BEND7: variants seen among roughly 807,000 people sequenced by gnomAD.
BEND7 encodes BEN domain containing 7, also known as BEN domain-containing protein 7.
Under a neutral mutation model 50.9 loss-of-function variants are expected in BEND7, and 28 were observed. The observed-to-expected ratio is 0.55, with a 90% CI of 0.41 to 0.75. The LOEUF (loss-of-function observed/expected upper bound fraction) is 0.75, where lower values mean the gene tolerates loss of function less well. Ranked by LOEUF, BEND7 falls within the 30% of genes least tolerant of loss-of-function variation. The pLI is 0.00. For missense variants in BEND7, 477 were observed against 491.3 expected, an observed-to-expected ratio of 0.97 and a Z score of 0.28; for synonymous variants, 170 against 183.9, an observed-to-expected ratio of 0.92 and a Z score of 0.61.
At chr10:13,471,626 C>G (rs1175261401) in intron 6 of BEND7, among the ~76,000 whole-genome samples, 1 of 152,254 alleles carries the variant, frequency 6.6e-6, no homozygotes, top group Non-Finnish European at 1.5e-5. Flanking sequence ...TGGTGAGGCA[C>G]TGTAGCCATG....
At chr10:13,471,315 A>G (rs2074804930) in intron 6 of BEND7, among the ~76,000 whole-genome samples, 1 of 152,228 alleles carries the variant, frequency 6.6e-6, no homozygotes, top group Admixed American at 6.5e-5. Context: ...ATCAACGAAA[A>G]TACTGCAAAG....
At chr10:13,516,873 G>A (rs1343254709) in intron 2 of BEND7, among the ~76,000 whole-genome samples, 1 of 152,106 alleles carries the variant, frequency 6.6e-6, no homozygotes, top group Non-Finnish European at 1.5e-5. Flanking sequence ...GGAGGCTTTT[G>A]GATTTCCAGT....
chr10:13,469,579 T>C (rs2012759), intron 6 of BEND7, among the ~76,000 whole-genome samples: 101,432 of 152,084 alleles, frequency 0.67, 34,193 homozygotes, highest in East Asian at 0.86. Context: ...CGGGTTCAAG[T>C]GATTCCCCTG....
intron 8 of BEND7, 181 bp from the exon 9 acceptor site, chr10:13,441,931 T>C: frequency 1.6e-6 from 1 of 634,206 alleles, no homozygotes; most frequent in Non-Finnish European, 2.7e-6. Context: ...AGATTGATTC[T>C]ACAAGCCACG....
chr10:13,502,179 C>T (rs1019507337), intron 2 of BEND7, among the ~76,000 whole-genome samples: 15 of 152,060 alleles, frequency 9.9e-5, no homozygotes, highest in Admixed American at 3.3e-4. Flanking sequence ...AGATATTTAG[C>T]TTATTAATAT....
chr10:13,490,772 G>C (rs1453584124), intron 5 of BEND7, among the ~76,000 whole-genome samples: 1 of 152,112 alleles, frequency 6.6e-6, no homozygotes, highest in Non-Finnish European at 1.5e-5. Context: ...AGCAACACTG[G>C]GCCACTTGCC....
At chr10:13,479,540 G>A (rs908523968) in intron 6 of BEND7, among the ~76,000 whole-genome samples, 4 of 152,008 alleles carry the variant, frequency 2.6e-5, no homozygotes, top group East Asian at 1.9e-4. Context: ...ACAATTCCTC[G>A]CTGCATTTCA....
At chr10:13,483,239 T>C (rs995105844) in intron 5 of BEND7, among the ~76,000 whole-genome samples, 1 of 152,140 alleles carries the variant, frequency 6.6e-6, no homozygotes, top group Admixed American at 6.5e-5. Flanking sequence ...AGACTTCCCC[T>C]TTGATTCATC....
chr10:13,452,426 T>G (rs1488951898), intron 7 of BEND7, 113 bp downstream of exon 7: 2 of 1,157,360 alleles, frequency 1.7e-6, no homozygotes, highest in Non-Finnish European at 2.4e-6. Flanking sequence ...TTATAAACAG[T>G]CTCTCCTTCA....
chr10:13,488,064 GA>G (rs2076366388), intron 5 of BEND7, among the ~76,000 whole-genome samples: 1 of 138,866 alleles, frequency 7.2e-6, no homozygotes, highest in African/African-American at 2.7e-5. Context: ...CTGGACGACA[GA>G]GTGAGACTCT....
intron 1 of BEND7, 80 bp from the exon 2 acceptor site, chr10:13,526,301 C>A: frequency 1.7e-6 from 1 of 596,924 alleles, no homozygotes; most frequent in South Asian, 1.9e-5. Context: ...GAATCTCATT[C>A]TATTTAGTTT....
chr10:13,487,703 TG>T (rs1291030857), intron 5 of BEND7, among the ~76,000 whole-genome samples: 1 of 152,090 alleles, frequency 6.6e-6, no homozygotes, highest in Non-Finnish European at 1.5e-5. Context: ...TCAATTTCAA[TG>T]TGTCAATGAG....
chr10:13,518,368 G>C lies in BEND7; in HGVS notation c.145+7770C>G, dbSNP rs74597165. Among the ~76,000 whole-genome samples, 1,374 of 152,360 alleles carry C rather than the reference G, an allele frequency of 9.0e-3. 12 individuals are homozygous for C. Among genetic ancestry groups the C allele is most frequent in the African/African-American group, 0.031 (1,298 of 41,586 alleles). On this transcript the variant is annotated intron_variant, in intron 2 of 8. Coordinates refer to ENST00000466271, the MANE Select transcript of BEND7 (RefSeq NM_001369863.1). ...GGTACAACTTCGGTGGCTGTGTGCA[G>C]GGGCCCAACTCCCTCAGAAACCCGA...
At position 13,447,288 on chromosome 10, in the gene BEND7, G is replaced by A. The variant is rs145310447; in HGVS notation, c.1212C>T (p.Asp404=). 22 of 1,613,972 alleles carry A rather than the reference G, an allele frequency of 1.4e-5. No individual in the cohort carries two copies. The highest frequency in any genetic ancestry group is 8.0e-5 in the African/African-American group (6 of 74,904). The part of the protein sequence containing the change: ...SEIADSDERL[D]GIALPPTVV ...TACCTGTTGGTGGTAGAGCAATGCCGTCCAGTCTTTCATCACTGTCCGCGA... is the reference window on the plus strand; with the variant it reads ...TACCTGTTGGTGGTAGAGCAATGCCATCCAGTCTTTCATCACTGTCCGCGA... The change falls in exon 8 of 9, where the codon GAC becomes GAT. Residue 404 remains aspartate, a synonymous_variant. Transcript: ENST00000466271.
chr10:13,494,111 T>C (rs11258420), intron 4 of BEND7, among the ~76,000 whole-genome samples: 29,979 of 152,152 alleles, frequency 0.2, 3,028 homozygotes, highest in Middle Eastern at 0.23. Context: ...TTAGAATCAC[T>C]TGAGTTTAAA....
intron 2 of BEND7, among the ~76,000 whole-genome samples, chr10:13,513,142 C>T (rs1455086417): frequency 3.9e-5 from 6 of 152,196 alleles, no homozygotes; most frequent in East Asian, 1.9e-4. Flanking sequence ...CTTCTTATTG[C>T]TATTGTTACT....
In BEND7 at chr10:13,447,254, C is replaced by T. The variant is rs192581037; in HGVS notation, c.1234+12G>A. On this transcript the variant is annotated intron_variant, in intron 8 of 8. Coordinates refer to ENST00000466271, the MANE Select transcript of BEND7 (RefSeq NM_001369863.1). ...CCAGGAGGTGATGAAAATGTAAATGCGTTTTATTTACCTGTTGGTGGTAGA... is the reference window on the plus strand; with the variant it reads ...CCAGGAGGTGATGAAAATGTAAATGTGTTTTATTTACCTGTTGGTGGTAGA... The T allele has an allele frequency of 1.2e-5, 20 of 1,613,206 alleles. No individual in the cohort carries two copies. The highest frequency in any genetic ancestry group is 1.7e-5 in the Admixed American group (1 of 59,938).
intron 8 of BEND7, chr10:13,442,836 C>T (rs945864324): frequency 3.3e-5 from 5 of 152,164 alleles, no homozygotes; most frequent in African/African-American, 9.7e-5. Flanking sequence ...GGGGCACTGA[C>T]GTCATGAATG....
intron 1 of BEND7, among the ~76,000 whole-genome samples, chr10:13,527,122 G>A (rs1367556836): frequency 6.6e-6 from 1 of 152,130 alleles, no homozygotes; most frequent in African/African-American, 2.4e-5. Flanking sequence ...TCATCAATAA[G>A]AAAGCAGCTT....
Sources: gnomAD v4.1 joint callset for allele counts (sites outside exome capture counted in the v4.1 genomes callset) on GRCh38, gnomAD v4.1.1 for gene constraint, MANE v1.5 for transcripts, NCBI Gene and HGNC (gene_info 2026-07-23, HGNC 2026-07-21) for gene names.